Variants in SORBS2 observed in about 807,000 individuals in gnomAD.
SORBS2 encodes the protein sorbin and SH3 domain-containing protein 2.
In SORBS2, 46 loss-of-function variants were observed where a neutral mutation model predicts 97.7. That is an observed-to-expected ratio of 0.47 (90% CI 0.37 to 0.60). The LOEUF (loss-of-function observed/expected upper bound fraction) is 0.60, where lower values mean the gene tolerates loss of function less well. Ranked by LOEUF, SORBS2 falls within the 20% of genes least tolerant of loss-of-function variation. SORBS2 has a pLI of 0.00. For missense variants in SORBS2, 1,316 were observed against 1,282.3 expected, an observed-to-expected ratio of 1.03 and a Z score of -0.40; for synonymous variants, 476 against 473.4, an observed-to-expected ratio of 1.01 and a Z score of -0.07.
chr4:185,876,691 G>A (rs1334653797), intron 1 of SORBS2, among the ~76,000 whole-genome samples: 1 of 152,158 alleles, frequency 6.6e-6, no homozygotes. Flanking sequence ...CTGCCCATGT[G>A]TCTTATGTAC....
chr4:185,901,832 C>G (rs984623788), intron 1 of SORBS2, among the ~76,000 whole-genome samples: 4 of 152,166 alleles, frequency 2.6e-5, no homozygotes, highest in Admixed American at 2.6e-4. Context: ...AACTAACAAG[C>G]TATTAAAGCT....
At chr4:185,635,208 T>C in intron 4 of SORBS2, 147 bp downstream of exon 16, 1 of 626,090 alleles carries the variant, frequency 1.6e-6, no homozygotes, top group Non-Finnish European at 2.8e-6. Context: ...CAGGCAATGA[T>C]ACTGGATGCA....
intron 1 of SORBS2, among the ~76,000 whole-genome samples, chr4:185,917,548 A>G (rs569575819): frequency 3.3e-4 from 51 of 152,300 alleles, no homozygotes; most frequent in African/African-American, 1.2e-3. Flanking sequence ...TTTATAATAA[A>G]ACAGCAAATG....
intron 1 of SORBS2, among the ~76,000 whole-genome samples, chr4:185,885,744 T>C (rs983874454): frequency 2.0e-5 from 3 of 152,220 alleles, no homozygotes; most frequent in Non-Finnish European, 4.4e-5. Context: ...ATCCTTGGCA[T>C]CTCTGTAGAG....
chr4:185,647,819 G>A (rs1362086886), intron 3 of SORBS2, among the ~76,000 whole-genome samples: 1 of 152,140 alleles, frequency 6.6e-6, no homozygotes, highest in Admixed American at 6.5e-5. Context: ...AGCATTACAT[G>A]AGATAATACA....
chr4:185,698,601 CAT>C (rs1487064349), intron 2 of SORBS2, among the ~76,000 whole-genome samples: 1 of 152,202 alleles, frequency 6.6e-6, no homozygotes, highest in Non-Finnish European at 1.5e-5. Context: ...AGTACTGAAT[CAT>C]ATGAGGCAGG....
Position 185,623,792 on chromosome 4 carries a change from C to A in SORBS2, c.1337G>T (p.Gly446Val). 6.2e-7 allele frequency: 1 copy of A among 1,614,132 alleles called. No homozygotes were observed. The highest frequency in any genetic ancestry group is 1.7e-5 in the Admixed American group (1 of 60,026). Residue 446 changes from glycine (G) to valine (V), a missense_variant, in exon 7 of 15, where the codon GGC becomes GTC. By Grantham distance (109) the Gly-to-Val change is moderately radical. Coordinates refer to ENST00000418609, the Ensembl canonical transcript of SORBS2. This position sits in a 1 kb window ranked among gnomAD's most constrained non-coding sequence, Gnocchi z 6.4. Reference sequence around the variant, plus strand: ...GGAAAACCGCCTCTTGGGACATAGGCCATTTTGCGGTGGTTCTAGGGTTAC... The same window carrying A: ...GGAAAACCGCCTCTTGGGACATAGGACATTTTGCGGTGGTTCTAGGGTTAC...
intron 2 of SORBS2, among the ~76,000 whole-genome samples, chr4:185,768,560 G>A (rs2098949862): frequency 6.6e-6 from 1 of 151,928 alleles, no homozygotes; most frequent in African/African-American, 2.4e-5. Context: ...ATTAGCTTGC[G>A]TGGTGACACG....
intron 1 of SORBS2, among the ~76,000 whole-genome samples, chr4:185,879,165 T>TCCCCC (rs1224668040): frequency 1.6e-4 from 9 of 57,172 alleles, no homozygotes; most frequent in Non-Finnish European, 2.0e-4. Flanking sequence ...ATGCTATCCC[T>TCCCCC]CCCCCCCCCC....
At chr4:185,915,599 T>G (rs10016827) in intron 1 of SORBS2, among the ~76,000 whole-genome samples, 69,276 of 151,934 alleles carry the variant, frequency 0.46, 16,209 homozygotes, top group East Asian at 0.69. Flanking sequence ...CCTTCCCTCT[T>G]TCCTTCTCTT....
intron 1 of SORBS2, among the ~76,000 whole-genome samples, chr4:185,899,119 C>T (rs1359072917): frequency 6.6e-6 from 1 of 152,184 alleles, no homozygotes; most frequent in East Asian, 1.9e-4. Context: ...CAGCCTCTGA[C>T]AGAGTGCTCA....
intron 1 of SORBS2, among the ~76,000 whole-genome samples, chr4:185,808,399 T>C (rs2099165696): frequency 6.6e-6 from 1 of 152,194 alleles, no homozygotes; most frequent in Non-Finnish European, 1.5e-5. Context: ...CAAGGAATTA[T>C]GTATTTATAA....
At chr4:185,713,723 GT>G (rs1185534639) in intron 2 of SORBS2, among the ~76,000 whole-genome samples, 7 of 152,194 alleles carry the variant, frequency 4.6e-5, no homozygotes, top group African/African-American at 1.7e-4. Flanking sequence ...AAACAAATCG[GT>G]GCTTTATAAT....
At chr4:185,626,973 G>T in exon 6 of SORBS2, 1 of 1,614,176 alleles carries the variant, frequency 6.2e-7, no homozygotes, top group Non-Finnish European at 8.5e-7. Flanking sequence ...CCCACTGCAG[G>T]CTCGCTCTTC....
chr4:185,900,735 G>A (rs2099247266), intron 1 of SORBS2, among the ~76,000 whole-genome samples: 1 of 152,262 alleles, frequency 6.6e-6, no homozygotes, highest in Admixed American at 6.5e-5. Context: ...GAAATACTTT[G>A]TGTATTTGTA....
intron 3 of SORBS2, 39 bp from the exon 7 acceptor site, chr4:185,678,586 A>C: frequency 6.8e-7 from 1 of 1,480,358 alleles, no homozygotes; most frequent in Middle Eastern, 1.8e-4. Flanking sequence ...AAAAATATCT[A>C]CGTTCACTTA....
intron 2 of SORBS2, among the ~76,000 whole-genome samples, chr4:185,692,408 T>C (rs2098114215): frequency 6.6e-6 from 1 of 152,232 alleles, no homozygotes; most frequent in Admixed American, 6.5e-5. Context: ...AGACTTTTGA[T>C]AAATAAAGAT....
intron 1 of SORBS2, chr4:185,656,545 C>G: frequency 8.5e-7 from 1 of 1,180,706 alleles, no homozygotes; most frequent in Admixed American, 2.2e-5. Flanking sequence ...GGCCACACCC[C>G]AGCTTTACAT....
chr4:185,942,220 C>T (rs574357139), intron 1 of SORBS2, among the ~76,000 whole-genome samples: 2 of 152,280 alleles, frequency 1.3e-5, no homozygotes, highest in South Asian at 4.1e-4. Context: ...CTCTGAAATG[C>T]TTCTGGGAAG....
Sources: allele counts gnomAD v4.1 joint callset (sites outside exome capture counted in the v4.1 genomes callset), GRCh38; gene constraint gnomAD v4.1.1; non-coding constraint Gnocchi (gnomAD v3.1); transcripts MANE v1.5; gene names NCBI Gene and HGNC (gene_info 2026-07-23, HGNC 2026-07-21).